Variants in RGS22 observed in about 807,000 individuals in gnomAD.
RGS22 encodes regulator of G protein signaling 22, also known as regulator of G-protein signaling 22.
Under a neutral mutation model 172.9 loss-of-function variants are expected in RGS22, and 148 were observed. The observed-to-expected ratio is 0.86, with a 90% CI of 0.75 to 0.98. The LOEUF (loss-of-function observed/expected upper bound fraction) is 0.98. Among genes scored for constraint, RGS22 ranks in the 50% least tolerant of loss-of-function variants. The pLI is 0.00. For missense variants in RGS22, 1,347 were observed against 1,440.8 expected (o/e 0.93, Z 1.05); for synonymous variants, 458 against 480.2 (o/e 0.95, Z 0.60).
chr8:99,989,896 A>ATAGC (rs1813518976), intron 20 of RGS22, among the ~76,000 whole-genome samples: 2 of 151,240 alleles, frequency 1.3e-5, no homozygotes, highest in Non-Finnish European at 2.9e-5. Context: ...AGATAGATAG[A>ATAGC]TAGATAGATA....
intron 13 of RGS22, 59 bp from the exon 14 acceptor site, chr8:100,039,091 C>T (rs1485486534): frequency 3.7e-5 from 34 of 920,120 alleles, no homozygotes; most frequent in Non-Finnish European, 4.1e-5. Flanking sequence ...TCTTACAAAG[C>T]TCTAATTTCA....
In RGS22 at chr8:100,027,970, C is replaced by A. The variant is rs76712928; in HGVS notation, c.2166+10961G>T. 6.3e-3 allele frequency among the ~76,000 whole-genome samples: 966 copies of A among 152,154 alleles called. 11 individuals carry two copies. The highest frequency in any genetic ancestry group is 0.021 in the African/African-American group (885 of 41,502). On this transcript the variant is annotated intron_variant, in intron 14 of 27. Coordinates refer to ENST00000360863, the MANE Select transcript of RGS22 (RefSeq NM_015668.5). ...CAAAATGCTTCCACCTGTATATGAT[C>A]TTGTAAAATACATATTAAAAATAAA...
intron 10 of RGS22, among the ~76,000 whole-genome samples, chr8:100,051,845 TTA>T (rs1253813357): frequency 3.7e-5 from 2 of 54,284 alleles, no homozygotes; most frequent in Non-Finnish European, 5.7e-5. Flanking sequence ...GTTTATATAT[TTA>T]TATATTTATA....
intron 9 of RGS22, among the ~76,000 whole-genome samples, chr8:100,054,133 T>C (rs1039807265): frequency 6.6e-6 from 1 of 152,214 alleles, no homozygotes; most frequent in African/African-American, 2.4e-5. Context: ...ATAGATATCA[T>C]GGTATTCAGT....
At chr8:100,078,190 T>C (rs1811494956) in intron 4 of RGS22, among the ~76,000 whole-genome samples, 1 of 152,138 alleles carries the variant, frequency 6.6e-6, no homozygotes, top group African/African-American at 2.4e-5. Context: ...TGGCTTTTAC[T>C]TGGGGTGCTT....
intron 3 of RGS22, 70 bp from the exon 4 acceptor site, chr8:100,080,425 G>C: frequency 8.9e-7 from 1 of 1,126,256 alleles, no homozygotes; most frequent in Non-Finnish European, 1.3e-6. Flanking sequence ...AAGAAGACTT[G>C]TGGTTTACAT....
chr8:100,083,830 C>CTTTTTTTTT (rs59603032), intron 3 of RGS22, among the ~76,000 whole-genome samples: 8 of 126,052 alleles, frequency 6.3e-5, no homozygotes, highest in African/African-American at 1.2e-4. Flanking sequence ...AATTTCTTTT[C>CTTTTTTTTT]TTTTTTTTTT....
At chr8:100,060,411 T>TACAC (rs1810024747) in intron 9 of RGS22, among the ~76,000 whole-genome samples, 1 of 132,240 alleles carries the variant, frequency 7.6e-6, no homozygotes, top group African/African-American at 2.7e-5. Context: ...TGTATATATA[T>TACAC]ATATATATAT....
intron 22 of RGS22, among the ~76,000 whole-genome samples, chr8:99,979,242 T>G (rs1812290887): frequency 6.6e-6 from 1 of 152,210 alleles, no homozygotes; most frequent in African/African-American, 2.4e-5. Context: ...ATCATACTTC[T>G]CAGTTATCTT....
chr8:100,069,318 A>T (rs1192435488), intron 6 of RGS22, among the ~76,000 whole-genome samples: 1 of 152,244 alleles, frequency 6.6e-6, no homozygotes, highest in Non-Finnish European at 1.5e-5. Flanking sequence ...GATTAACAAT[A>T]TCTGTCATAG....
In RGS22 at chr8:100,047,461, A is replaced by T; in HGVS notation, c.1823+2T>A. Reference sequence around the variant, plus strand: ...ACTTAACACACAAAAAGTTGCACCTACCCTTTCTCAATCACATCATCCTTA... The same window carrying T: ...ACTTAACACACAAAAAGTTGCACCTTCCCTTTCTCAATCACATCATCCTTA... On this transcript the variant is annotated splice_donor_variant, in intron 11 of 27. Coordinates refer to ENST00000360863, the MANE Select transcript of RGS22 (RefSeq NM_015668.5). LOFTEE classifies it high-confidence loss of function. 4 of 1,593,510 alleles carry T rather than the reference A, an allele frequency of 2.5e-6. No individual in the cohort carries two copies. The highest frequency in any genetic ancestry group is 3.4e-6 in the Non-Finnish European group (4 of 1,173,580).
At chr8:100,014,060 CA>C (rs1816696250) in intron 14 of RGS22, among the ~76,000 whole-genome samples, 1 of 152,220 alleles carries the variant, frequency 6.6e-6, no homozygotes, top group Admixed American at 6.5e-5. Context: ...TACACTTCTT[CA>C]CTTTCAGTAG....
Position 100,080,292 on chromosome 8 carries a change from GAGCATCATT to G in RGS22, c.172_180del (p.Asn58_Ala60del), listed in dbSNP as rs781504839. The G allele has an allele frequency of 6.2e-7, 1 of 1,613,714 alleles. No homozygotes were observed. On this transcript the variant is annotated inframe_deletion, in exon 4 of 28. Coordinates refer to ENST00000360863, the MANE Select transcript of RGS22 (RefSeq NM_015668.5). The stretch of plus-strand genomic sequence containing the variant: ...TTCAGTTGTTTTTCCAGAAATTGTG[GAGCATCATT>G]AGCTACTTCAAAAACTCCATAATCT...
chr8:100,090,942 T>C (rs939911992), intron 3 of RGS22, among the ~76,000 whole-genome samples: 2 of 152,150 alleles, frequency 1.3e-5, no homozygotes, highest in Admixed American at 6.6e-5. Context: ...CATGATTCAA[T>C]TTATTATTTT....
At chr8:99,991,600 G>A (rs1400924225) in intron 20 of RGS22, among the ~76,000 whole-genome samples, 1 of 152,176 alleles carries the variant, frequency 6.6e-6, no homozygotes, top group Non-Finnish European at 1.5e-5. Context: ...AAGCCTCCAA[G>A]AAATATGGGA....
In RGS22 at chr8:100,052,727, T is replaced by C; in HGVS notation, c.1689+75A>G. 4.7e-6 allele frequency: 6 copies of C among 1,273,626 alleles called. No homozygotes were observed. In the South Asian group the frequency reaches 8.5e-5, roughly 18 times the overall value. 78.9% of individuals were successfully genotyped at this position (1,273,626 alleles called of 1,614,324 possible). On this transcript the variant is annotated intron_variant, in intron 10 of 27. Coordinates refer to ENST00000360863, the MANE Select transcript of RGS22 (RefSeq NM_015668.5). ...ACAACAAAGCTTGTAATGAAAATTA[T>C]CAGTGCACAAACACTCAAGCATACA...
At chr8:100,053,984 C>A (rs1291916872) in intron 9 of RGS22, among the ~76,000 whole-genome samples, 1 of 152,136 alleles carries the variant, frequency 6.6e-6, no homozygotes, top group East Asian at 1.9e-4. Flanking sequence ...GGTTATAATG[C>A]ATACTATTTA....
At chr8:100,008,979 C>T (rs1816055853) in intron 14 of RGS22, among the ~76,000 whole-genome samples, 1 of 152,050 alleles carries the variant, frequency 6.6e-6, no homozygotes. Flanking sequence ...AAAAAGCTGG[C>T]TATTAGTCTT....
chr8:99,984,567 C>T (rs1039654537), intron 21 of RGS22, among the ~76,000 whole-genome samples: 3 of 152,016 alleles, frequency 2.0e-5, no homozygotes, highest in Non-Finnish European at 2.9e-5. Context: ...GGAGAGATGT[C>T]CATCTCAGGT....
Sources: allele counts gnomAD v4.1 joint callset (sites outside exome capture counted in the v4.1 genomes callset), GRCh38; gene constraint gnomAD v4.1.1; transcripts MANE v1.5; gene names NCBI Gene and HGNC (gene_info 2026-07-23, HGNC 2026-07-21).